CELSR1: variants seen among roughly 807,000 people sequenced by gnomAD.
CELSR1 encodes the protein cadherin EGF LAG seven-pass G-type receptor 1, also known as adhesion G protein-coupled receptor C1.
CELSR1 carries 110 observed loss-of-function variants against 249.1 expected under a neutral mutation model. The ratio of observed to expected loss-of-function variants is 0.44; its 90% CI spans 0.38 to 0.52. CELSR1 has a LOEUF of 0.52. CELSR1 is among the 20% of genes least tolerant of loss of function. CELSR1 has a pLI of 0.00. For missense variants in CELSR1, 4,109 were observed against 4,296.4 expected, an observed-to-expected ratio of 0.96 and a Z score of 1.22; for synonymous variants, 2,113 against 1,900.0, an observed-to-expected ratio of 1.11 and a Z score of -2.92.
Position 46,367,779 on chromosome 22 carries a change from G to A in CELSR1, c.8029C>T (p.Arg2677Cys), listed in dbSNP as rs367719288. The stretch of plus-strand genomic sequence containing the variant: ...AGGTAGTGAAAGCTCAGTGCATCGC[G>A]GTTCACAGCCAGCAGCCCCAGCAGC... ...TWLLGLLAVN[R>C]DALSFHYLFA... Residue 2677 changes from arginine to cysteine, a missense_variant, in exon 28 of 35, where the codon CGC becomes TGC. Coordinates refer to ENST00000674500, the MANE Select transcript of CELSR1 (RefSeq NM_001378328.1). 172 of 1,610,812 alleles carry A rather than the reference G, an allele frequency of 1.1e-4. No homozygotes were observed. The highest frequency in any genetic ancestry group is 1.4e-4 in the Non-Finnish European group (163 of 1,179,352).
chr22:46,372,845 T>A (rs1181993770), intron 25 of CELSR1, 38 bp downstream of exon 25: 1 of 1,563,526 alleles, frequency 6.4e-7, no homozygotes, highest in South Asian at 1.2e-5. Flanking sequence ...CTGTTGGAAA[T>A]CTGTGGTTTT....
chr22:46,472,388 AG>A lies in CELSR1; in HGVS notation c.3545-8044del, dbSNP rs2080164828. ...GGCAGAGGTCACATCATGGCCCTCA[AG>A]GAGCAGGCAGCCCTCAGGGGACAGG... On this transcript the variant is annotated intron_variant, in intron 1 of 34. Transcript: ENST00000674500. This position sits in a 1 kb window ranked among gnomAD's most constrained non-coding sequence, Gnocchi z 7.0. Among the ~76,000 whole-genome samples, 1 of 152,088 alleles carries A rather than the reference AG, an allele frequency of 6.6e-6. No homozygotes were observed. The highest frequency in any genetic ancestry group is 1.5e-5 in the Non-Finnish European group (1 of 68,014).
chr22:46,496,587 T>C (rs916176532), intron 1 of CELSR1, among the ~76,000 whole-genome samples: 2 of 151,784 alleles, frequency 1.3e-5, no homozygotes, highest in African/African-American at 4.8e-5. Context: ...ATATATTTTT[T>C]CTTTCTTTAT....
At position 46,362,860 on chromosome 22, in the gene CELSR1, T is replaced by C; in HGVS notation, c.*363A>G. 1 of 414,672 alleles carries C rather than the reference T, an allele frequency of 2.4e-6. No homozygotes were observed. Among genetic ancestry groups the C allele is most frequent in the Non-Finnish European group, 4.4e-6 (1 of 228,878 alleles). The allele number at this position is 414,672 out of a possible 1,614,324, so 25.7% of individuals were successfully genotyped here. On this transcript the variant is annotated 3_prime_UTR_variant, in exon 35 of 35. Coordinates refer to ENST00000674500, the MANE Select transcript of CELSR1 (RefSeq NM_001378328.1). ...GCGGTCTTTGGTCTGTGCCCGGCGT[T>C]CCTGAACTCTGGCCAGCCTCTGGGC...
intron 1 of CELSR1, among the ~76,000 whole-genome samples, chr22:46,465,979 G>A (rs577138943): frequency 3.9e-4 from 60 of 152,336 alleles, no homozygotes; most frequent in African/African-American, 1.4e-3. Flanking sequence ...CTCAGAACAT[G>A]AAATTAATAT....
At chr22:46,364,486 A>T in intron 33 of CELSR1, 26 bp downstream of exon 33, 1 of 1,592,144 alleles carries the variant, frequency 6.3e-7, no homozygotes, top group Non-Finnish European at 8.6e-7. Flanking sequence ...CCAGCCTTTC[A>T]CTGCAGCCCC....
Position 46,534,114 on chromosome 22 carries a change from T to C in CELSR1, c.3057A>G (p.Ala1019=). Reference sequence around the variant, plus strand: ...CATCAGGGTCGTTAGCACGAATCTTTGCCACCACCGACCCCACTGGGTTGT... The same window carrying C: ...CATCAGGGTCGTTAGCACGAATCTTCGCCACCACCGACCCCACTGGGTTGT... ...EENNPVGSVV[A]KIRANDPDEG... Residue 1019 remains alanine, a synonymous_variant, in exon 1 of 35, where the codon GCA becomes GCG. Transcript: ENST00000674500. This position sits in a 1 kb window ranked among gnomAD's most constrained non-coding sequence, Gnocchi z 9.7. 1.2e-6 allele frequency: 2 copies of C among 1,613,750 alleles called. No homozygotes were observed. The highest frequency in any genetic ancestry group is 1.7e-6 in the Non-Finnish European group (2 of 1,180,044).
chr22:46,535,875 C>G lies in CELSR1; in HGVS notation c.1296G>C (p.Gln432His), dbSNP rs1252970607. The change falls in exon 1 of 35, where the codon CAG becomes CAC. Residue 432 changes from glutamine to histidine, a missense_variant. Coordinates refer to ENST00000674500, the MANE Select transcript of CELSR1 (RefSeq NM_001378328.1). ...CACTGAGCGGGCCCGGATTGCGCCC[C>G]TGGTCGTTGGCCTCCACCAGGAGCT... Reference protein sequence around the residue: ...EYQLLVEANDQGRNPGPLSAT... With the variant: ...EYQLLVEANDHGRNPGPLSAT... 2 of 1,610,160 alleles carry G rather than the reference C, an allele frequency of 1.2e-6. No individual in the cohort carries two copies.
At position 46,380,034 on chromosome 22, in the gene CELSR1, C is replaced by T. The variant is rs906489081; in HGVS notation, c.7256+754G>A. ...GATAGAGCAACTCAAATGTCCACAC[C>T]TCACGTGAACTCTGCAGCTAAAAAG... is the stretch of plus-strand genomic sequence containing the variant. On this transcript the variant is annotated intron_variant, in intron 22 of 34. Transcript: ENST00000674500. The surrounding 1 kb of genome is among the most constrained non-coding windows in gnomAD (Gnocchi z 5.1). Among the ~76,000 whole-genome samples the T allele has an allele frequency of 6.6e-6, 1 of 152,228 alleles. No individual in the cohort carries two copies. The highest frequency in any genetic ancestry group is 1.5e-5 in the Non-Finnish European group (1 of 68,046).
At chr22:46,495,093 A>G (rs966828601) in intron 1 of CELSR1, among the ~76,000 whole-genome samples, 1 of 152,188 alleles carries the variant, frequency 6.6e-6, no homozygotes, top group Non-Finnish European at 1.5e-5. Context: ...CTACACACCT[A>G]GACTATGGTA....
chr22:46,456,571 G>A (rs947756534), intron 2 of CELSR1, among the ~76,000 whole-genome samples: 1 of 150,082 alleles, frequency 6.7e-6, no homozygotes, highest in African/African-American at 2.5e-5. Context: ...GCTGAGGCAG[G>A]AGAATGGCGT....
At position 46,398,082 on chromosome 22, in the gene CELSR1, G is replaced by T. The variant is rs563866174; in HGVS notation, c.5527-234C>A. On this transcript the variant is annotated intron_variant, in intron 11 of 34. Coordinates refer to ENST00000674500, the MANE Select transcript of CELSR1 (RefSeq NM_001378328.1). The surrounding 1 kb of genome is among the most constrained non-coding windows in gnomAD (Gnocchi z 7.2). ...ACGCCAGCCTGAGCTCCTGGGGTGC[G>T]CGGTGGGGGCGTGAGGAGTGGATGT... is the stretch of plus-strand genomic sequence containing the variant. 2.0e-5 allele frequency among the ~76,000 whole-genome samples: 3 copies of T among 152,178 alleles called. No homozygotes were observed. Among genetic ancestry groups the T allele is most frequent in the African/African-American group, 7.2e-5 (3 of 41,446 alleles).
chr22:46,418,940 G>A (rs893555187), intron 5 of CELSR1, among the ~76,000 whole-genome samples: 4 of 152,354 alleles, frequency 2.6e-5, no homozygotes, highest in East Asian at 1.9e-4. Flanking sequence ...CCGTGGGTCC[G>A]GAGGCAGGAG....
Position 46,369,583 on chromosome 22 carries a change from C to T in CELSR1, c.7872+109G>A, listed in dbSNP as rs147550325. On this transcript the variant is annotated intron_variant, in intron 26 of 34. Coordinates refer to ENST00000674500, the MANE Select transcript of CELSR1 (RefSeq NM_001378328.1). ...GACTGTTACAAGGTGGCCCTTCCTG[C>T]CCCCCGTCGGCTGCTCAGAGGAGTT... 4.2e-4 allele frequency: 399 copies of T among 956,064 alleles called. 2 individuals are homozygous for T. The African/African-American group carries it at 5.3e-3, about 13-fold the overall frequency. 59.2% of individuals were successfully genotyped at this position (956,064 alleles called of 1,614,324 possible).
intron 2 of CELSR1, among the ~76,000 whole-genome samples, chr22:46,450,112 G>T (rs1361444699): frequency 6.6e-6 from 1 of 152,214 alleles, no homozygotes; most frequent in African/African-American, 2.4e-5. Flanking sequence ...GCACAGAAAA[G>T]CCCAGGCGGC....
intron 5 of CELSR1, among the ~76,000 whole-genome samples, chr22:46,431,171 G>A (rs1392838248): frequency 2.0e-5 from 3 of 152,168 alleles, no homozygotes; most frequent in Admixed American, 6.5e-5. Context: ...CCTCTCCTCC[G>A]GGACAGTGCA....
Position 46,472,411 on chromosome 22 carries a change from C to A in CELSR1, c.3545-8066G>T, listed in dbSNP as rs1008822959. Among the ~76,000 whole-genome samples the A allele has an allele frequency of 2.0e-5, 3 of 152,054 alleles. No homozygotes were observed. Among genetic ancestry groups the A allele is most frequent in the African/African-American group, 7.2e-5 (3 of 41,394 alleles). On this transcript the variant is annotated intron_variant, in intron 1 of 34. Transcript: ENST00000674500. The surrounding 1 kb of genome is among the most constrained non-coding windows in gnomAD (Gnocchi z 7.0). ...CAAGGAGCAGGCAGCCCTCAGGGGA[C>A]AGGGGACAGTGCCGCAGTTCCGAGA...
chr22:46,518,805 G>T lies in CELSR1; in HGVS notation c.3544+14822C>A. Among the ~76,000 whole-genome samples the T allele has an allele frequency of 6.6e-6, 1 of 152,280 alleles. No individual in the cohort carries two copies. The highest frequency in any genetic ancestry group is 6.5e-5 in the Admixed American group (1 of 15,298). ...TCCAGCACTTTGGGAGGCCAAGGCG[G>T]GTGGATCACTTGAGGTCAGGAGTTC... On this transcript the variant is annotated intron_variant, in intron 1 of 34. Transcript: ENST00000674500. The surrounding 1 kb of genome is among the most constrained non-coding windows in gnomAD (Gnocchi z 5.2).
At chr22:46,499,185 T>TA (rs10606942) in intron 1 of CELSR1, among the ~76,000 whole-genome samples, 84 of 130,946 alleles carry the variant, frequency 6.4e-4, no homozygotes, top group African/African-American at 1.7e-3. Context: ...GTTGCAAATC[T>TA]AAAAAAAAAA....
Sources: allele counts gnomAD v4.1 joint callset (sites outside exome capture counted in the v4.1 genomes callset), GRCh38; gene constraint gnomAD v4.1.1; non-coding constraint Gnocchi (gnomAD v3.1); transcripts MANE v1.5; gene names NCBI Gene and HGNC (gene_info 2026-07-23, HGNC 2026-07-21).